C1GALT1: variants seen among roughly 807,000 people sequenced by gnomAD.
C1GALT1 encodes core 1 synthase, glycoprotein-N-acetylgalactosamine 3-beta-galactosyltransferase 1.
A neutral mutation model predicts 31.0 loss-of-function variants in C1GALT1; 11 were observed. The observed-to-expected ratio is 0.36, with a 90% CI of 0.22 to 0.59. The LOEUF is 0.59. C1GALT1 is among the 20% of genes least tolerant of loss of function. The pLI, the probability that C1GALT1 is intolerant of heterozygous loss-of-function variation, is 0.79. For missense variants in C1GALT1, 424 were observed against 425.2 expected (o/e 1.00, Z 0.03); for synonymous variants, 175 against 143.6 (o/e 1.22, Z -1.56).
intron 1 of C1GALT1, among the ~76,000 whole-genome samples, chr7:7,229,053 G>A (rs1209496422): frequency 8.2e-6 from 1 of 121,380 alleles, no homozygotes; most frequent in Non-Finnish European, 1.7e-5. Context: ...ATATCCATAT[G>A]ATGATAGAAA....
chr7:7,197,838 C>T (rs1299231543), intron 1 of C1GALT1, among the ~76,000 whole-genome samples: 4 of 151,694 alleles, frequency 2.6e-5, no homozygotes, highest in South Asian at 2.1e-4. Flanking sequence ...ATTTGGCTCT[C>T]TGTCTGTTAT....
Position 7,230,622 on chromosome 7 carries a change from CTTTTTTTTT to C in C1GALT1, c.-17-3672_-17-3664del, listed in dbSNP as rs57276821. On this transcript the variant is annotated intron_variant, in intron 1 of 3. Transcript: ENST00000436587. ...ATTTGTCTCATCTATTCTATATTCC[CTTTTTTTTT>C]TTTTTTTTAACATTGCCTTGATTTG... 3.7e-4 allele frequency among the ~76,000 whole-genome samples: 45 copies of C among 121,526 alleles called. No individual in the cohort carries two copies. In the East Asian group the frequency reaches 9.9e-3, roughly 27 times the overall value. The allele number at this position is 121,526 out of a possible 152,430, so 79.7% of individuals were successfully genotyped here.
chr7:7,181,270 A>AAGGATATTGCGGAAAGGTGGC (rs1562555770), upstream of C1GALT1, among the ~76,000 whole-genome samples: 3 of 152,108 alleles, frequency 2.0e-5, no homozygotes, highest in African/African-American at 4.8e-5. Flanking sequence ...GGAAAGGTGG[A>AAGGATATTGCGGAAAGGTGGC]GGGGGAGGAG....
chr7:7,157,801 G>A (rs1780289578), intron 2 of C1GALT1, among the ~76,000 whole-genome samples: 1 of 152,074 alleles, frequency 6.6e-6, no homozygotes, highest in Non-Finnish European at 1.5e-5. Context: ...CTCAGTAAGG[G>A]TATGTACATG....
intron 1 of C1GALT1, among the ~76,000 whole-genome samples, chr7:7,222,051 C>G (rs1475737755): frequency 1.3e-5 from 2 of 152,192 alleles, no homozygotes; most frequent in Non-Finnish European, 2.9e-5. Flanking sequence ...TAGCTTCCTT[C>G]CCTTCCTGTC....
chr7:7,181,519 G>A (rs897459174), upstream of C1GALT1, among the ~76,000 whole-genome samples: 10 of 152,232 alleles, frequency 6.6e-5, no homozygotes, highest in Non-Finnish European at 1.2e-4. Context: ...AATTCTTTTG[G>A]ATATATTGAT....
At chr7:7,234,789 A>T in intron 2 of C1GALT1, 1 of 299,524 alleles carries the variant, frequency 3.3e-6, no homozygotes. Context: ...AACTATTCAG[A>T]TTTGATTTGT....
chr7:7,240,630 G>C (rs1783583292), intron 3 of C1GALT1, among the ~76,000 whole-genome samples: 1 of 152,092 alleles, frequency 6.6e-6, no homozygotes. Context: ...TACACATACA[G>C]TAGTAGCAAA....
intron 1 of C1GALT1, among the ~76,000 whole-genome samples, chr7:7,186,219 C>T (rs976245718): frequency 6.6e-6 from 1 of 152,136 alleles, no homozygotes; most frequent in Non-Finnish European, 1.5e-5. Flanking sequence ...GGGCTGAACC[C>T]TTAGTACCCA....
At position 7,216,555 on chromosome 7, in the gene C1GALT1, G is replaced by A. The variant is rs145865394; in HGVS notation, c.-17-17748G>A. Among the ~76,000 whole-genome samples the A allele has an allele frequency of 7.5e-4, 114 of 152,230 alleles. 1 individual carries two copies. Among genetic ancestry groups the A allele is most frequent in the Admixed American group, 2.4e-3 (36 of 15,290 alleles). Reference sequence around the variant, plus strand: ...ACCTTTCGGGCAAGGCTCCTTTAACGGAGGCAATGTGCTATAGATTGCCTG... The same window carrying A: ...ACCTTTCGGGCAAGGCTCCTTTAACAGAGGCAATGTGCTATAGATTGCCTG... On this transcript the variant is annotated intron_variant, in intron 1 of 3. Transcript: ENST00000436587.
chr7:7,180,899 C>T (rs1318617757), upstream of C1GALT1, among the ~76,000 whole-genome samples: 1 of 123,936 alleles, frequency 8.1e-6, no homozygotes, highest in Non-Finnish European at 1.7e-5. Flanking sequence ...CATAGAAAGA[C>T]CATATCTCTT....
Position 7,166,538 on chromosome 7 carries a change from A to G in C1GALT1, c.-18+9112A>G, listed in dbSNP as rs1583728050. 2.0e-5 allele frequency among the ~76,000 whole-genome samples: 3 copies of G among 152,146 alleles called. No individual in the cohort carries two copies. In the South Asian group the frequency reaches 6.2e-4, roughly 31 times the overall value. The stretch of plus-strand genomic sequence containing the variant: ...TGGCAGGAGGAAACTTTTGGAGGTG[A>G]TAGATACATTCATTATCTTGACTGC... On this transcript the variant is annotated intron_variant, in intron 2 of 3. Transcript: ENST00000429911.
intron 1 of C1GALT1, among the ~76,000 whole-genome samples, chr7:7,203,178 G>A (rs766048139): frequency 2.7e-5 from 4 of 147,624 alleles, no homozygotes; most frequent in Non-Finnish European, 5.9e-5. Context: ...TTTCTTTCCA[G>A]TTTGGTTGTC....
intron 2 of C1GALT1, among the ~76,000 whole-genome samples, chr7:7,168,253 C>G (rs1780418295): frequency 6.6e-6 from 1 of 152,182 alleles, no homozygotes; most frequent in African/African-American, 2.4e-5. Flanking sequence ...GAGGGAGGGG[C>G]TGGTCTCCAA....
intron 2 of C1GALT1, among the ~76,000 whole-genome samples, chr7:7,163,881 G>T (rs1054701625): frequency 5.3e-5 from 8 of 151,348 alleles, no homozygotes; most frequent in Admixed American, 2.0e-4. Context: ...CGTGAAAATG[G>T]CCATACTGCC....
At chr7:7,199,894 T>C in intron 1 of C1GALT1, among the ~76,000 whole-genome samples, 1 of 152,234 alleles carries the variant, frequency 6.6e-6, no homozygotes, top group Non-Finnish European at 1.5e-5. Flanking sequence ...ATTTGCTTGT[T>C]AGATCTTCCT....
chr7:7,214,105 A>T (rs1400772956), intron 1 of C1GALT1, among the ~76,000 whole-genome samples: 1 of 152,192 alleles, frequency 6.6e-6, no homozygotes, highest in Non-Finnish European at 1.5e-5. Context: ...CTTAGTTATT[A>T]CACACCAAAG....
chr7:7,227,019 A>T (rs1167667960), intron 1 of C1GALT1, among the ~76,000 whole-genome samples: 1 of 152,166 alleles, frequency 6.6e-6, no homozygotes, highest in Non-Finnish European at 1.5e-5. Flanking sequence ...CCTAAAATTG[A>T]GCTTATTTAA....
chr7:7,238,345 C>T lies in C1GALT1; in HGVS notation c.311C>T (p.Ala104Val), dbSNP rs1562597681. ...GGCCCTCAAAACCTAGAGAAAAAGG[C>T]CAAACACGTCAAAGCTACTTGGGCC... is the stretch of plus-strand genomic sequence containing the variant. ...MTGPQNLEKK[A>V]KHVKATWAQR... The change falls in exon 3 of 4, where the codon GCC becomes GTC. Residue 104 changes from alanine (A) to valine (V), a missense_variant. By Grantham distance (64) the Ala-to-Val change is moderately conservative (BLOSUM62 0). This residue lies in a region of C1GALT1 where 189 missense variants were observed against 158.2 expected (regional missense o/e 1.19). Transcript: ENST00000436587. This position sits in a 1 kb window ranked among gnomAD's most constrained non-coding sequence, Gnocchi z 5.2. 1 of 1,614,008 alleles carries T rather than the reference C, an allele frequency of 6.2e-7. No individual in the cohort carries two copies. Among genetic ancestry groups the T allele is most frequent in the Middle Eastern group, 1.7e-4 (1 of 6,056 alleles).
Sources: allele counts gnomAD v4.1 joint callset (sites outside exome capture counted in the v4.1 genomes callset), GRCh38; gene constraint gnomAD v4.1.1; regional missense constraint gnomAD v4.1.1; non-coding constraint Gnocchi (gnomAD v3.1); transcripts MANE v1.5; gene names NCBI Gene and HGNC (gene_info 2026-07-23, HGNC 2026-07-21).